Variants in SETD2 observed in about 807,000 individuals in gnomAD.
The protein encoded by SETD2 is histone-lysine N-methyltransferase SETD2.
In SETD2, 31 loss-of-function variants were observed where a neutral mutation model predicts 242.1. The observed-to-expected ratio is 0.13, with a 90% CI of 0.10 to 0.17. The LOEUF (loss-of-function observed/expected upper bound fraction) is 0.17, where lower values mean the gene tolerates loss of function less well. Among genes scored for constraint, SETD2 ranks in the 10% least tolerant of loss-of-function variants. The probability of loss-of-function intolerance (pLI) is 1.00; values close to 1 mark genes in which losing one functional copy is unlikely to be tolerated. For missense variants in SETD2, 2,481 were observed against 3,046.3 expected (o/e 0.81, Z 4.37); for synonymous variants, 1,006 against 1,066.5 (o/e 0.94, Z 1.11).
chr3:47,061,090 C>T (rs1417834907), intron 14 of SETD2, among the ~76,000 whole-genome samples: 92 of 152,102 alleles, frequency 6.0e-4, no homozygotes, highest in African/African-American at 2.1e-3. Context: ...TGGTGGCGGG[C>T]ACCTGTAGTT....
chr3:47,153,528 T>C (rs1258304096), intron 1 of SETD2, among the ~76,000 whole-genome samples: 1 of 152,204 alleles, frequency 6.6e-6, no homozygotes, highest in African/African-American at 2.4e-5. Flanking sequence ...GGTGGGAGGA[T>C]TCCTTGAAGC....
chr3:47,110,465 A>G lies in SETD2; in HGVS notation c.4715+3411T>C, dbSNP rs2042606800. Among the ~76,000 whole-genome samples the G allele has an allele frequency of 2.6e-5, 4 of 152,224 alleles. No homozygotes were observed. The South Asian group carries it at 8.3e-4, about 32-fold the overall frequency. On this transcript the variant is annotated intron_variant, in intron 5 of 20. Coordinates refer to ENST00000409792, the MANE Select transcript of SETD2 (RefSeq NM_014159.7). ...TTAAAACCCTATCTGGTATCCAATT[A>G]CATTAAGTCAACCTGGACTGCCTTC...
At chr3:47,030,129 A>G (rs957810316) in intron 18 of SETD2, among the ~76,000 whole-genome samples, 2 of 152,304 alleles carry the variant, frequency 1.3e-5, no homozygotes, top group African/African-American at 4.8e-5. Flanking sequence ...AGCCTGGGCA[A>G]CAGAGTGAGA....
rs377393336 is a variant in SETD2 at position 47,123,077 on chromosome 3, C to T, written c.1559G>A (p.Arg520Lys). ...TTTAATTGCTTCATTTTCTGAAGTC[C>T]TTTTAGATTCTCTTTCTAGTTTTGA... ...YSSKLERESK[R>K]TSENEAIKRC... The change falls in exon 3 of 21, where the codon AGG becomes AAG. Residue 520 changes from arginine to lysine, a missense_variant. Transcript: ENST00000409792. 3.7e-6 allele frequency: 6 copies of T among 1,613,442 alleles called. No individual in the cohort carries two copies. Among genetic ancestry groups the T allele is most frequent in the South Asian group, 1.1e-5 (1 of 91,032 alleles).
chr3:47,139,946 C>A (rs1365405329), intron 1 of SETD2, among the ~76,000 whole-genome samples: 2 of 152,028 alleles, frequency 1.3e-5, no homozygotes, highest in Non-Finnish European at 2.9e-5. Context: ...CTCAAACATA[C>A]AAAGAATCCT....
intron 14 of SETD2, among the ~76,000 whole-genome samples, chr3:47,058,308 G>A (rs1294179317): frequency 6.6e-6 from 1 of 151,832 alleles, no homozygotes; most frequent in East Asian, 1.9e-4. Context: ...GGGCCTGGTG[G>A]TGTGTGCCTG....
At chr3:47,073,291 G>C (rs1446220769) in intron 12 of SETD2, among the ~76,000 whole-genome samples, 1 of 152,126 alleles carries the variant, frequency 6.6e-6, no homozygotes, top group Non-Finnish European at 1.5e-5. Flanking sequence ...TCAGGTAAAA[G>C]GCATTCTAGG....
At chr3:47,028,094 T>C (rs957650473) in intron 18 of SETD2, among the ~76,000 whole-genome samples, 4 of 152,214 alleles carry the variant, frequency 2.6e-5, no homozygotes, top group African/African-American at 9.7e-5. Flanking sequence ...TTAAATGAAT[T>C]AGCCCTCTCA....
At chr3:47,137,405 A>T (rs1373204833) in intron 1 of SETD2, among the ~76,000 whole-genome samples, 1 of 151,658 alleles carries the variant, frequency 6.6e-6, no homozygotes, top group African/African-American at 2.4e-5. Context: ...GTTGGCCAGG[A>T]TGGTCTCGAT....
chr3:47,054,555 C>A (rs1243218578), intron 15 of SETD2, among the ~76,000 whole-genome samples: 3 of 152,052 alleles, frequency 2.0e-5, no homozygotes, highest in African/African-American at 7.2e-5. Flanking sequence ...GTCAAACTGA[C>A]AGTAAAACAA....
chr3:47,067,650 A>C (rs2107602089), intron 12 of SETD2, among the ~76,000 whole-genome samples: 1 of 152,002 alleles, frequency 6.6e-6, no homozygotes, highest in Non-Finnish European at 1.5e-5. Context: ...CCTGGGCTCA[A>C]GCAATCTACT....
chr3:47,051,681 G>A (rs527310735), intron 15 of SETD2, among the ~76,000 whole-genome samples: 2 of 151,364 alleles, frequency 1.3e-5, no homozygotes, highest in Non-Finnish European at 2.9e-5. Context: ...TTAATATTCT[G>A]ATATTGATTT....
chr3:47,052,666 A>C (rs571841592), intron 15 of SETD2, among the ~76,000 whole-genome samples: 46 of 152,044 alleles, frequency 3.0e-4, no homozygotes, highest in Admixed American at 1.0e-3. Flanking sequence ...AAAATACAAA[A>C]AATTAGCTAG....
At chr3:47,023,939 T>G (rs1460329659) in intron 18 of SETD2, among the ~76,000 whole-genome samples, 2 of 152,196 alleles carry the variant, frequency 1.3e-5, no homozygotes. Flanking sequence ...TCTCAAGGTA[T>G]TCTTCTTTTG....
rs2043206924 is a variant in SETD2 at position 47,123,756 on chromosome 3, C to G, written c.880G>C (p.Asp294His). 1 of 1,549,062 alleles carries G rather than the reference C, an allele frequency of 6.5e-7. No homozygotes were observed. Among genetic ancestry groups the G allele is most frequent in the Non-Finnish European group, 8.7e-7 (1 of 1,146,172 alleles). The change falls in exon 3 of 21, where the codon GAT (aspartate) becomes CAT (histidine). Residue 294 changes from aspartate to histidine, a missense_variant. Physicochemically the swap from Asp to His is moderately conservative, Grantham distance 81. Coordinates refer to ENST00000409792, the MANE Select transcript of SETD2 (RefSeq NM_014159.7). The part of the protein sequence containing the change: ...SHIGKDEEIP[D>H]SSKISLSCKK... ...CAGCTCAGACTAATCTTAGAACTAT[C>G]TGGAATTTCTTCATCCTTCCCAATA... is the stretch of plus-strand genomic sequence containing the variant.
chr3:47,057,594 C>A, intron 14 of SETD2, 104 bp from the exon 15 acceptor site: 1 of 804,056 alleles, frequency 1.2e-6, no homozygotes, highest in South Asian at 1.7e-5. Context: ...CTAACCACAT[C>A]AAACCCTATT....
rs190368914 is a variant in SETD2, at chr3:47,146,412, G to A, written c.71+17442C>T. On this transcript the variant is annotated intron_variant, in intron 1 of 20. Transcript: ENST00000409792. ...GGAGGCCGAGGCAGGCGGATCACCT[G>A]AGGTCAGGAGTTCAAGACCAGCCTG... is the stretch of plus-strand genomic sequence containing the variant. 5.2e-3 allele frequency among the ~76,000 whole-genome samples: 795 copies of A among 152,198 alleles called. 6 individuals are homozygous for A. Among genetic ancestry groups the A allele is most frequent in the Admixed American group, 9.3e-3 (142 of 15,282 alleles).
intron 1 of SETD2, among the ~76,000 whole-genome samples, chr3:47,158,657 T>C (rs1429964935): frequency 6.6e-6 from 1 of 152,238 alleles, no homozygotes; most frequent in African/African-American, 2.4e-5. Flanking sequence ...TAGACTATGT[T>C]CTCAGTAAAG....
intron 18 of SETD2, among the ~76,000 whole-genome samples, chr3:47,031,255 T>C (rs1360195813): frequency 6.6e-6 from 1 of 152,200 alleles, no homozygotes; most frequent in African/African-American, 2.4e-5. Flanking sequence ...TTATGGACTT[T>C]GGGTGGTAAT....
Sources: gnomAD v4.1 joint callset for allele counts (sites outside exome capture counted in the v4.1 genomes callset) on GRCh38, gnomAD v4.1.1 for gene constraint, MANE v1.5 for transcripts, NCBI Gene and HGNC (gene_info 2026-07-23, HGNC 2026-07-21) for gene names.